The following PPP2R3A variants were observed in gnomAD, a reference collection of about 807,000 sequenced individuals.
PPP2R3A encodes the protein protein phosphatase 2 regulatory subunit B''alpha.
A neutral mutation model predicts 106.9 loss-of-function variants in PPP2R3A; 80 were observed. That is an observed-to-expected ratio of 0.75 (90% CI 0.62 to 0.90). PPP2R3A has a LOEUF of 0.90. Ranked by LOEUF, PPP2R3A falls within the 40% of genes least tolerant of loss-of-function variation. The pLI is 0.00. For missense variants in PPP2R3A, 1,386 were observed against 1,350.4 expected (o/e 1.03, Z -0.41); for synonymous variants, 483 against 468.3 (o/e 1.03, Z -0.41).
intron 3 of PPP2R3A, among the ~76,000 whole-genome samples, chr3:136,030,784 A>ATATATATATATATATG (rs1934853321): frequency 1.7e-5 from 2 of 116,106 alleles, no homozygotes; most frequent in Non-Finnish European, 3.7e-5. Context: ...ATATATATGT[A>ATATATATATATATATG]TGTATGTATG....
intron 5 of PPP2R3A, among the ~76,000 whole-genome samples, chr3:136,054,408 G>A (rs530839510): frequency 1.8e-4 from 28 of 151,988 alleles, no homozygotes; most frequent in African/African-American, 6.5e-4. Flanking sequence ...ACAGGCACGC[G>A]CCACCACACC....
intron 9 of PPP2R3A, among the ~76,000 whole-genome samples, chr3:136,089,777 T>C (rs1409253006): frequency 6.6e-6 from 1 of 152,174 alleles, no homozygotes; most frequent in Non-Finnish European, 1.5e-5. Flanking sequence ...CTCTGATTTC[T>C]TTCAGCAGAG....
intron 1 of PPP2R3A, among the ~76,000 whole-genome samples, chr3:135,995,401 AC>A (rs1933348489): frequency 6.6e-6 from 1 of 151,128 alleles, no homozygotes; most frequent in Non-Finnish European, 1.5e-5. Context: ...ATCCTCTAGA[AC>A]TTTTTTTACT....
At chr3:136,042,729 A>C (rs1935329914) in intron 4 of PPP2R3A, among the ~76,000 whole-genome samples, 1 of 152,176 alleles carries the variant, frequency 6.6e-6, no homozygotes, top group Admixed American at 6.5e-5. Context: ...TCTTTTTTTC[A>C]TCAGAAAAAT....
intron 1 of PPP2R3A, among the ~76,000 whole-genome samples, chr3:135,976,727 A>G (rs950033106): frequency 1.3e-5 from 2 of 152,182 alleles, no homozygotes; most frequent in African/African-American, 4.8e-5. Context: ...TCTTTGCCTT[A>G]TATGGCGTTT....
intron 1 of PPP2R3A, among the ~76,000 whole-genome samples, chr3:135,977,238 A>C (rs1312894704): frequency 6.6e-6 from 1 of 152,146 alleles, no homozygotes; most frequent in African/African-American, 2.4e-5. Context: ...TCCCACTCCA[A>C]AGTTGTCTTG....
At chr3:135,970,612 T>C (rs1335855758) in intron 1 of PPP2R3A, among the ~76,000 whole-genome samples, 3 of 152,164 alleles carry the variant, frequency 2.0e-5, no homozygotes, top group Non-Finnish European at 2.9e-5. Context: ...CATTTTAGAT[T>C]GGAAGAGGCA....
intron 5 of PPP2R3A, among the ~76,000 whole-genome samples, chr3:136,051,698 C>G (rs888810809): frequency 6.6e-6 from 1 of 152,168 alleles, no homozygotes. Flanking sequence ...CACAGGTGTC[C>G]TAGTCAATGA....
At chr3:135,989,198 T>A (rs1456385899) in intron 1 of PPP2R3A, among the ~76,000 whole-genome samples, 2 of 152,138 alleles carry the variant, frequency 1.3e-5, no homozygotes, top group Non-Finnish European at 1.5e-5. Flanking sequence ...AAGCACAGTT[T>A]TTAACCCACA....
chr3:136,010,755 C>A (rs1442151028), intron 2 of PPP2R3A, among the ~76,000 whole-genome samples: 1 of 152,180 alleles, frequency 6.6e-6, no homozygotes, highest in East Asian at 1.9e-4. Context: ...CAGACCTACA[C>A]TGGGGCTTTA....
rs1553762081 is a variant in PPP2R3A, at chr3:136,145,210, T to C, written c.*44T>C. ...AAACGAAGATGTGTATTTTAAATGT[T>C]TCTTTCTTGTGAAGAGATGTTCTCG... On this transcript the variant is annotated 3_prime_UTR_variant, in exon 14 of 14. Transcript: ENST00000264977. 2.2e-5 allele frequency: 34 copies of C among 1,571,320 alleles called. No homozygotes were observed. Among genetic ancestry groups the C allele is most frequent in the Non-Finnish European group, 2.8e-5 (33 of 1,161,766 alleles).
chr3:136,066,272 T>C (rs2107899150), intron 5 of PPP2R3A, among the ~76,000 whole-genome samples: 1 of 152,316 alleles, frequency 6.6e-6, no homozygotes, highest in South Asian at 2.1e-4. Flanking sequence ...AAGGAAAATT[T>C]CAAACTCCTT....
intron 2 of PPP2R3A, among the ~76,000 whole-genome samples, chr3:136,022,154 A>G (rs1385929850): frequency 2.0e-5 from 3 of 152,176 alleles, no homozygotes; most frequent in Non-Finnish European, 2.9e-5. Flanking sequence ...AAACTTACAA[A>G]TTCAGTATGT....
At chr3:136,027,283 A>G (rs1934701722) in intron 3 of PPP2R3A, among the ~76,000 whole-genome samples, 185 bp downstream of exon 3, 1 of 152,040 alleles carries the variant, frequency 6.6e-6, no homozygotes, top group South Asian at 2.1e-4. Flanking sequence ...TAATATAAGA[A>G]TCCCTTCCAA....
intron 5 of PPP2R3A, among the ~76,000 whole-genome samples, chr3:136,052,426 C>T (rs562266976): frequency 6.6e-6 from 1 of 152,276 alleles, no homozygotes; most frequent in Admixed American, 6.5e-5. Flanking sequence ...GCCTACTAGG[C>T]TCTCCTCCTC....
At chr3:136,105,455 G>C (rs1046090320) in intron 12 of PPP2R3A, among the ~76,000 whole-genome samples, 1 of 151,950 alleles carries the variant, frequency 6.6e-6, no homozygotes, top group African/African-American at 2.4e-5. Context: ...GTGAGCCCCT[G>C]TGTCTACAAA....
At chr3:136,018,095 T>C (rs1028070323) in intron 2 of PPP2R3A, among the ~76,000 whole-genome samples, 18 of 152,148 alleles carry the variant, frequency 1.2e-4, no homozygotes, top group Non-Finnish European at 2.1e-4. Context: ...GGCGAAACCC[T>C]GTCTCTACTA....
intron 7 of PPP2R3A, among the ~76,000 whole-genome samples, chr3:136,081,743 G>C (rs1255500358): frequency 3.9e-5 from 6 of 152,086 alleles, no homozygotes; most frequent in Admixed American, 1.3e-4. Flanking sequence ...TTTACTTCCA[G>C]CTCAGGGCCC....
At chr3:136,079,694 A>G (rs1936720185) in intron 7 of PPP2R3A, among the ~76,000 whole-genome samples, 1 of 151,408 alleles carries the variant, frequency 6.6e-6, no homozygotes. Flanking sequence ...AGCGTGAGCC[A>G]CCATGCCTGG....
Sources: allele counts gnomAD v4.1 joint callset (sites outside exome capture counted in the v4.1 genomes callset), GRCh38; gene constraint gnomAD v4.1.1; transcripts MANE v1.5; gene names NCBI Gene and HGNC (gene_info 2026-07-23, HGNC 2026-07-21).